The following TOX2 variants were observed in gnomAD, a reference collection of about 807,000 sequenced individuals.
TOX2 encodes the protein TOX high mobility group box family member 2.
Under a neutral mutation model 47.4 loss-of-function variants are expected in TOX2, and 15 were observed. The ratio of observed to expected loss-of-function variants is 0.32; its 90% CI spans 0.21 to 0.49. The LOEUF (loss-of-function observed/expected upper bound fraction) is 0.49, where lower values mean the gene tolerates loss of function less well. TOX2 is among the 20% of genes least tolerant of loss of function. The pLI is 0.99. For synonymous variants in TOX2, 290 were observed against 296.6 expected (o/e 0.98, Z 0.23); for missense variants, 622 against 673.1 (o/e 0.92, Z 0.84).
Position 44,054,519 on chromosome 20 carries a change from A to G in TOX2, c.872A>G (p.Gln291Arg). ...ATGTGGGACAGCCTGGGAGAGGAAC[A>G]GAAGCAGGTGAGCCTCCCTCTCTTT... is the stretch of plus-strand genomic sequence containing the variant. ...ASMWDSLGEE[Q>R]KQAYKRKTEA... The change falls in exon 5 of 9, where the codon CAG becomes CGG. Residue 291 changes from glutamine (Q) to arginine (R), a missense_variant. Gln to Arg is a conservative substitution (Grantham distance 43, BLOSUM62 1). This residue lies in a region of TOX2 where 294 missense variants were observed against 300.0 expected (regional missense o/e 0.98). Transcript: ENST00000341197. The G allele has an allele frequency of 1.2e-6, 2 of 1,613,804 alleles. No individual in the cohort carries two copies. Among genetic ancestry groups the G allele is most frequent in the East Asian group, 2.2e-5 (1 of 44,868 alleles).
At chr20:43,932,526 C>G (rs574488588) in intron 1 of TOX2, among the ~76,000 whole-genome samples, 1 of 152,330 alleles carries the variant, frequency 6.6e-6, no homozygotes, top group Admixed American at 6.5e-5. Context: ...AGGTGAACCG[C>G]TTCCCTCCTC....
chr20:44,061,453 T>G (rs1233317853), intron 5 of TOX2, among the ~76,000 whole-genome samples: 1 of 152,098 alleles, frequency 6.6e-6, no homozygotes, highest in East Asian at 1.9e-4. Flanking sequence ...AAAATCAGCA[T>G]AGAAGGGATA....
chr20:43,959,906 G>A (rs1267994279), intron 1 of TOX2, among the ~76,000 whole-genome samples: 2 of 152,200 alleles, frequency 1.3e-5, no homozygotes, highest in South Asian at 2.1e-4. Context: ...TGTTATGGGA[G>A]GTAACGGGGC....
chr20:43,997,271 C>T (rs953035312), intron 2 of TOX2, among the ~76,000 whole-genome samples: 2 of 152,288 alleles, frequency 1.3e-5, no homozygotes, highest in Middle Eastern at 3.4e-3. Context: ...ACAATAACAA[C>T]TGATTTGTAA....
chr20:44,044,898 G>A (rs921422214), intron 3 of TOX2, among the ~76,000 whole-genome samples: 1 of 152,154 alleles, frequency 6.6e-6, no homozygotes, highest in Non-Finnish European at 1.5e-5. Flanking sequence ...TAAGCAAAAT[G>A]TAGTCTATAC....
intron 2 of TOX2, among the ~76,000 whole-genome samples, chr20:44,006,202 T>C (rs1214496269): frequency 6.6e-6 from 1 of 152,162 alleles, no homozygotes; most frequent in Non-Finnish European, 1.5e-5. Context: ...CCTGAGTCTC[T>C]ATCTGTGAAA....
chr20:44,039,349 C>T (rs2071295802), intron 3 of TOX2: 1 of 1,262,024 alleles, frequency 7.9e-7, no homozygotes, highest in Non-Finnish European at 1.0e-6. Context: ...TTGTACAGAT[C>T]CTCATGGAGC....
At chr20:43,987,909 C>CAT (rs2070296310) in intron 2 of TOX2, among the ~76,000 whole-genome samples, 1 of 136,778 alleles carries the variant, frequency 7.3e-6, no homozygotes, top group Non-Finnish European at 1.6e-5. Context: ...GAAATATCAA[C>CAT]ATCTTTTTTT....
At chr20:44,054,173 C>A in intron 4 of TOX2, 126 bp from the exon 5 acceptor site, 1 of 949,662 alleles carries the variant, frequency 1.1e-6, no homozygotes, top group Non-Finnish European at 1.6e-6. Flanking sequence ...CCCCCTCCAT[C>A]GCGCGAGTGG....
intron 4 of TOX2, among the ~76,000 whole-genome samples, chr20:44,053,019 T>TGGCC (rs1555846785): frequency 6.6e-6 from 1 of 152,254 alleles, no homozygotes; most frequent in Non-Finnish European, 1.5e-5. Context: ...TCATGCCTAC[T>TGGCC]GGCCCATGGC....
intron 3 of TOX2, among the ~76,000 whole-genome samples, chr20:44,033,424 G>A (rs2071187304): frequency 6.6e-6 from 1 of 152,186 alleles, no homozygotes; most frequent in African/African-American, 2.4e-5. Context: ...CCCATGTCCT[G>A]ATCCCTGGGG....
Position 43,941,171 on chromosome 20 carries a change from G to A in TOX2, c.99+26181G>A, listed in dbSNP as rs529364684. On this transcript the variant is annotated intron_variant, in intron 1 of 8. Coordinates refer to ENST00000341197, the MANE Select transcript of TOX2 (RefSeq NM_001098797.2). ...TCAGGGTGATGTGAGGGAAGGGGGC[G>A]TGGAAGCTTGGGTTTGGGCTGTTGT... Among the ~76,000 whole-genome samples the A allele has an allele frequency of 2.1e-4, 32 of 152,256 alleles. 1 individual carries two copies. The highest frequency in any genetic ancestry group is 9.2e-4 in the Admixed American group (14 of 15,294).
At chr20:44,053,524 T>C (rs759126907) in intron 4 of TOX2, among the ~76,000 whole-genome samples, 20 of 41,006 alleles carry the variant, frequency 4.9e-4, no homozygotes, top group African/African-American at 1.3e-3. Flanking sequence ...TATATACACA[T>C]ATATATACAT....
intron 1 of TOX2, among the ~76,000 whole-genome samples, chr20:43,953,123 A>G (rs538540618): frequency 6.6e-6 from 1 of 152,304 alleles, no homozygotes; most frequent in East Asian, 1.9e-4. Context: ...GGGAAAGGCA[A>G]GGAAATGGAT....
chr20:43,955,778 T>C (rs75532413), intron 1 of TOX2, among the ~76,000 whole-genome samples: 4,617 of 152,294 alleles, frequency 0.03, 232 homozygotes, highest in African/African-American at 0.1. Flanking sequence ...ACTGCCACGC[T>C]GTTTTACTTA....
intron 3 of TOX2, among the ~76,000 whole-genome samples, chr20:44,022,187 G>A (rs1004254875): frequency 4.6e-5 from 7 of 152,158 alleles, no homozygotes; most frequent in South Asian, 2.1e-4. Flanking sequence ...CTGCTGAGAG[G>A]GGGGTCAGCA....
intron 1 of TOX2, among the ~76,000 whole-genome samples, chr20:43,952,214 T>C (rs564602353): frequency 2.1e-3 from 325 of 152,236 alleles, no homozygotes; most frequent in Middle Eastern, 0.01. Context: ...AAGTAATTTT[T>C]TTTTCTAAGA....
chr20:43,991,919 G>A (rs1434392338), intron 2 of TOX2, among the ~76,000 whole-genome samples: 2 of 152,182 alleles, frequency 1.3e-5, no homozygotes, highest in African/African-American at 4.8e-5. Flanking sequence ...ACAGACGTGA[G>A]CCACTGCAGC....
At chr20:43,937,123 G>A (rs1013454975) in intron 1 of TOX2, among the ~76,000 whole-genome samples, 1 of 152,220 alleles carries the variant, frequency 6.6e-6, no homozygotes, top group African/African-American at 2.4e-5. Flanking sequence ...GAGCTCTGGG[G>A]GGACTGTGGG....
Sources: allele counts gnomAD v4.1 joint callset (sites outside exome capture counted in the v4.1 genomes callset), GRCh38; gene constraint gnomAD v4.1.1; regional missense constraint gnomAD v4.1.1; transcripts MANE v1.5; gene names NCBI Gene and HGNC (gene_info 2026-07-23, HGNC 2026-07-21).